Variants in PNPLA5 observed in about 807,000 individuals in gnomAD.
PNPLA5 encodes the protein patatin-like phospholipase domain-containing protein 5.
PNPLA5 carries 44 observed loss-of-function variants against 49.1 expected under a neutral mutation model. The ratio of observed to expected loss-of-function variants is 0.90; its 90% CI spans 0.70 to 1.15. The LOEUF (loss-of-function observed/expected upper bound fraction) is 1.15. PNPLA5 is among the 50% of genes most tolerant of loss of function. The pLI is 0.00. For synonymous variants in PNPLA5, 243 were observed against 244.4 expected, an observed-to-expected ratio of 0.99 and a Z score of 0.06; for missense variants, 603 against 564.0, an observed-to-expected ratio of 1.07 and a Z score of -0.70.
chr22:43,884,262 G>A lies in PNPLA5; in HGVS notation c.1033C>T (p.Leu345=), dbSNP rs375430653. 1.4e-5 allele frequency: 23 copies of A among 1,597,836 alleles called. No individual in the cohort carries two copies. The African/African-American group carries it at 2.4e-4, about 17-fold the overall frequency. The change falls in exon 7 of 9, where the codon CTG becomes TTG. Residue 345 remains leucine, a synonymous_variant. Coordinates refer to ENST00000216177, the MANE Select transcript of PNPLA5 (RefSeq NM_138814.4). ...TCGAAGGGCAGTGTGCAGGGTAGCAGCAGGTACGTCAGCACCTGTCCAGGC... is the reference window on the plus strand; with the variant it reads ...TCGAAGGGCAGTGTGCAGGGTAGCAACAGGTACGTCAGCACCTGTCCAGGC... The part of the protein sequence containing the change: ...SGPGQVLTYL[L]LPCTLPFEYI...
At chr22:43,882,595 G>A (rs1469065151) in intron 7 of PNPLA5, among the ~76,000 whole-genome samples, 2 of 152,250 alleles carry the variant, frequency 1.3e-5, no homozygotes, top group Admixed American at 1.3e-4. Flanking sequence ...TATGCCAAGA[G>A]TGAACTTCCC....
In PNPLA5 at chr22:43,889,834, A is replaced by G; in HGVS notation, c.457T>C (p.Tyr153His). 1 of 1,613,604 alleles carries G rather than the reference A, an allele frequency of 6.2e-7. No individual in the cohort carries two copies. The highest frequency in any genetic ancestry group is 8.5e-7 in the Non-Finnish European group (1 of 1,179,848). ...ALVCTLYFPF[Y>H]CGLIPPEFRG... Reference sequence around the variant, plus strand: ...AACTCGGGGGGGATCAGCCCGCAGTAGAAAGGAAAGTATAAGGTGCAGACC... The same window carrying G: ...AACTCGGGGGGGATCAGCCCGCAGTGGAAAGGAAAGTATAAGGTGCAGACC... Residue 153 changes from tyrosine (Y) to histidine (H), a missense_variant, in exon 3 of 9, where the codon TAC (tyrosine) becomes CAC (histidine). Coordinates refer to ENST00000216177, the MANE Select transcript of PNPLA5 (RefSeq NM_138814.4).
intron 1 of PNPLA5, 44 bp downstream of exon 1, chr22:43,891,644 T>TTC: frequency 2.7e-6 from 4 of 1,498,456 alleles, no homozygotes; most frequent in Non-Finnish European, 3.5e-6. Flanking sequence ...CCGCTTTCAT[T>TTC]AAGCTGTCCC....
chr22:43,889,965 G>A, intron 2 of PNPLA5, 101 bp from the exon 3 acceptor site: 1 of 1,522,176 alleles, frequency 6.6e-7, no homozygotes, highest in Non-Finnish European at 8.8e-7. Flanking sequence ...CAAAGGAGGT[G>A]TCATCAGTCC....
intron 5 of PNPLA5, among the ~76,000 whole-genome samples, chr22:43,887,347 C>G (rs577242094): frequency 1.3e-5 from 2 of 152,324 alleles, no homozygotes; most frequent in Admixed American, 6.5e-5. Flanking sequence ...TCACTACACC[C>G]ATCTCCCTGG....
Position 43,879,770 on chromosome 22 carries a change from G to C in PNPLA5, c.*1025C>G, listed in dbSNP as rs1478695873. 1 of 152,132 alleles carries C rather than the reference G, an allele frequency of 6.6e-6. No individual in the cohort carries two copies. The highest frequency in any genetic ancestry group is 1.5e-5 in the Non-Finnish European group (1 of 68,044). 9.4% of individuals were successfully genotyped at this position (152,132 alleles called of 1,614,324 possible). A position where few individuals can be genotyped will look rare whatever the true frequency, so the allele number is the denominator to read the frequency against. ...AGTGGCGTGATCACGGTTCACTGCA[G>C]CCTCGACCTCCTGGGCTCAAATGAT... On this transcript the variant is annotated 3_prime_UTR_variant, in exon 9 of 9. Transcript: ENST00000216177.
intron 5 of PNPLA5, 140 bp from the exon 6 acceptor site, chr22:43,886,628 G>T: frequency 7.0e-7 from 1 of 1,424,762 alleles, no homozygotes; most frequent in Non-Finnish European, 9.1e-7. Flanking sequence ...TATTCCGGAT[G>T]ACTCCCTTCT....
At chr22:43,881,747 A>G (rs1372268022) in intron 7 of PNPLA5, 73 bp from the exon 8 acceptor site, 5 of 1,565,552 alleles carry the variant, frequency 3.2e-6, no homozygotes, top group Non-Finnish European at 4.3e-6. Context: ...CCCTCCCCAT[A>G]GGCCCAGAGC....
chr22:43,881,397 A>G (rs2049608995), intron 8 of PNPLA5, among the ~76,000 whole-genome samples, 161 bp downstream of exon 8: 1 of 152,206 alleles, frequency 6.6e-6, no homozygotes, highest in Non-Finnish European at 1.5e-5. Context: ...AGCAGTGACC[A>G]ACACACGTGC....
chr22:43,891,946 G>T lies in PNPLA5; in HGVS notation c.-66C>A. 1 of 1,443,006 alleles carries T rather than the reference G, an allele frequency of 6.9e-7. No homozygotes were observed. The allele number at this position is 1,443,006 out of a possible 1,614,324, so 89.4% of individuals were successfully genotyped here. On this transcript the variant is annotated 5_prime_UTR_variant, in exon 1 of 9. Coordinates refer to ENST00000216177, the MANE Select transcript of PNPLA5 (RefSeq NM_138814.4). The stretch of plus-strand genomic sequence containing the variant: ...CACTCCGTGACCCGGGATAGGGCCG[G>T]GATGCAGCCTTGGACGGGGCTGGGC...
intron 3 of PNPLA5, 85 bp downstream of exon 3, chr22:43,889,714 G>A (rs541119498): frequency 9.9e-5 from 152 of 1,529,944 alleles, no homozygotes; most frequent in African/African-American, 2.5e-4. Flanking sequence ...CTCAAGGAGC[G>A]CTGGTTTCCT....
At chr22:43,881,717 G>T (rs765233517) in intron 7 of PNPLA5, 43 bp from the exon 8 acceptor site, 4 of 1,598,912 alleles carry the variant, frequency 2.5e-6, no homozygotes, top group Non-Finnish European at 3.4e-6. Context: ...TGAGCCTGGG[G>T]TGTGGCCCCA....
chr22:43,888,371 AGTGTGTGTGTGTGTGTGTGTGTGTGT>A (rs35343347), intron 4 of PNPLA5, among the ~76,000 whole-genome samples: 1 of 112,968 alleles, frequency 8.9e-6, no homozygotes, highest in Non-Finnish European at 1.7e-5. Flanking sequence ...GGGGCAGAGG[AGTGTGTGTGTGTGTGTGTGTGTGTGT>A]GTGTGTGTGT....
At chr22:43,888,426 C>CTTTT (rs11408284) in intron 4 of PNPLA5, among the ~76,000 whole-genome samples, 1 of 84,364 alleles carries the variant, frequency 1.2e-5, no homozygotes, top group African/African-American at 5.3e-5. Context: ...TTCTTTCCTT[C>CTTTT]TTTTTTTTTT....
In PNPLA5 at chr22:43,891,269, G is replaced by T. The variant is rs763975703; in HGVS notation, c.219C>A (p.Gly73=). 3.2e-6 allele frequency: 5 copies of T among 1,558,794 alleles called. No homozygotes were observed. Among genetic ancestry groups the T allele is most frequent in the Non-Finnish European group, 4.3e-6 (5 of 1,152,296 alleles). ...TCAGCCGCTCCAACTGCCCAACCAT[G>T]CCCAGGAGGTGGGAGCAGCAGAAGT... ...SVDFCCSHLL[G]MVGQLERLSL... The change falls in exon 2 of 9, where the codon GGC becomes GGA. Residue 73 remains glycine (G), a synonymous_variant. Transcript: ENST00000216177.
chr22:43,890,029 A>C (rs2049707617), intron 2 of PNPLA5, 165 bp from the exon 3 acceptor site: 14 of 1,406,360 alleles, frequency 1.0e-5, no homozygotes, highest in Non-Finnish European at 1.2e-5. Context: ...TCTCCAAGGG[A>C]AGCAGGGATT....
rs2049679219 is a variant in PNPLA5, at chr22:43,887,631, T to C, written c.723A>G (p.Arg241=). 1 of 1,607,182 alleles carries C rather than the reference T, an allele frequency of 6.2e-7. No individual in the cohort carries two copies. Among genetic ancestry groups the C allele is most frequent in the South Asian group, 1.1e-5 (1 of 89,580 alleles). ...ACCTCAGGGCATCCAGGTAGCCTTG[T>C]CTGCAGTTGTCGGCCACTACCTGCC... is the stretch of plus-strand genomic sequence containing the variant. The part of the protein sequence containing the change: ...PSLEVVADNC[R]QGYLDALRFL... The change falls in exon 5 of 9, where the codon AGA becomes AGG. Residue 241 remains arginine, a synonymous_variant. Transcript: ENST00000216177.
chr22:43,885,194 A>T (rs1014934443), intron 6 of PNPLA5, among the ~76,000 whole-genome samples: 3 of 152,206 alleles, frequency 2.0e-5, no homozygotes, highest in Admixed American at 6.5e-5. Flanking sequence ...GGCTACAGGT[A>T]CACTGCCGGG....
At chr22:43,884,410 C>A in intron 6 of PNPLA5, 65 bp from the exon 7 acceptor site, 1 of 1,467,422 alleles carries the variant, frequency 6.8e-7, no homozygotes, top group South Asian at 1.4e-5. Flanking sequence ...CCTGAGCCCC[C>A]CCATTTCACA....
Sources: gnomAD v4.1 joint callset for allele counts (sites outside exome capture counted in the v4.1 genomes callset) on GRCh38, gnomAD v4.1.1 for gene constraint, MANE v1.5 for transcripts, NCBI Gene and HGNC (gene_info 2026-07-23, HGNC 2026-07-21) for gene names.